The following SLC16A10 variants were observed in gnomAD, a reference collection of about 807,000 sequenced individuals.
The protein encoded by SLC16A10 is monocarboxylate transporter 10.
SLC16A10 carries 27 observed loss-of-function variants against 40.0 expected under a neutral mutation model. The ratio of observed to expected loss-of-function variants is 0.67; its 90% CI spans 0.50 to 0.93. The LOEUF is 0.93. Ranked by LOEUF, SLC16A10 falls within the 40% of genes least tolerant of loss-of-function variation. SLC16A10 has a pLI of 0.00. For synonymous variants in SLC16A10, 213 were observed against 249.8 expected, an observed-to-expected ratio of 0.85 and a Z score of 1.39; for missense variants, 529 against 658.2, an observed-to-expected ratio of 0.80 and a Z score of 2.15.
intron 1 of SLC16A10, among the ~76,000 whole-genome samples, chr6:111,141,175 CA>C (rs1350671432): frequency 6.6e-6 from 1 of 151,994 alleles, no homozygotes; most frequent in African/African-American, 2.4e-5. Flanking sequence ...TAAAGTAAAT[CA>C]AAGACATATA....
chr6:111,225,692 T>G lies in SLC16A10; in HGVS notation c.*3457T>G, dbSNP rs1770984689. 1.3e-5 allele frequency: 2 copies of G among 152,204 alleles called. No individual in the cohort carries two copies. The highest frequency in any genetic ancestry group is 4.8e-5 in the African/African-American group (2 of 41,448). The allele number at this position is 152,204 out of a possible 1,614,324, so 9.4% of individuals were successfully genotyped here. A position where few individuals can be genotyped will look rare whatever the true frequency, so the allele number is the denominator to read the frequency against. On this transcript the variant is annotated 3_prime_UTR_variant, in exon 6 of 6. Coordinates refer to ENST00000368851, the MANE Select transcript of SLC16A10 (RefSeq NM_018593.5). Reference sequence around the variant, plus strand: ...GAAATTGGCCTATGTCCAGATGACTTTTGATGTTAAATCAATGGAAAACTG... The same window carrying G: ...GAAATTGGCCTATGTCCAGATGACTGTTGATGTTAAATCAATGGAAAACTG...
chr6:111,179,500 C>T (rs1217766036), intron 3 of SLC16A10, among the ~76,000 whole-genome samples: 2 of 152,184 alleles, frequency 1.3e-5, no homozygotes, highest in Non-Finnish European at 2.9e-5. Flanking sequence ...CATATTGGGC[C>T]ACTTCCCTGG....
chr6:111,148,967 T>C (rs1396321895), intron 1 of SLC16A10, among the ~76,000 whole-genome samples: 1 of 152,152 alleles, frequency 6.6e-6, no homozygotes, highest in African/African-American at 2.4e-5. Context: ...GGCCTGATAT[T>C]GATCGTCCAT....
chr6:111,202,715 C>T (rs369223847), intron 3 of SLC16A10, among the ~76,000 whole-genome samples: 4 of 151,606 alleles, frequency 2.6e-5, no homozygotes, highest in Middle Eastern at 3.2e-3. Flanking sequence ...GGTGAAACCC[C>T]GTCTCTACTA....
intron 1 of SLC16A10, among the ~76,000 whole-genome samples, chr6:111,117,410 C>A (rs2114469647): frequency 6.9e-6 from 1 of 144,388 alleles, no homozygotes; most frequent in Non-Finnish European, 1.5e-5. Flanking sequence ...CACGTTTATT[C>A]TTTTGTACCA....
At chr6:111,172,355 ATTTC>A (rs1244926105) in intron 1 of SLC16A10, among the ~76,000 whole-genome samples, 3 of 152,030 alleles carry the variant, frequency 2.0e-5, no homozygotes, top group Non-Finnish European at 4.4e-5. Context: ...TGTATTTAAT[ATTTC>A]TTTCCTGTTG....
intron 5 of SLC16A10, among the ~76,000 whole-genome samples, chr6:111,219,923 T>TA (rs930662927): frequency 7.3e-5 from 11 of 151,594 alleles, no homozygotes; most frequent in Non-Finnish European, 8.8e-5. Context: ...CTACTAAAAA[T>TA]AAAAAAAATT....
At chr6:111,162,309 C>T (rs1772385140) in intron 1 of SLC16A10, among the ~76,000 whole-genome samples, 1 of 152,150 alleles carries the variant, frequency 6.6e-6, no homozygotes, top group Admixed American at 6.5e-5. Context: ...AAAGCTGAGC[C>T]CAGCCATGGG....
At chr6:111,174,667 C>G (rs1011156183) in intron 2 of SLC16A10, among the ~76,000 whole-genome samples, 4 of 152,068 alleles carry the variant, frequency 2.6e-5, no homozygotes, top group Non-Finnish European at 5.9e-5. Context: ...AATACCTCAT[C>G]AGATAGCTTC....
At chr6:111,190,520 A>G (rs1446104900) in intron 3 of SLC16A10, among the ~76,000 whole-genome samples, 1 of 152,232 alleles carries the variant, frequency 6.6e-6, no homozygotes, top group Non-Finnish European at 1.5e-5. Context: ...CTGCCTTAGC[A>G]GAGGTTCTTC....
intron 5 of SLC16A10, among the ~76,000 whole-genome samples, chr6:111,220,738 A>T (rs1276712317): frequency 2.6e-5 from 4 of 152,262 alleles, no homozygotes; most frequent in African/African-American, 9.6e-5. Flanking sequence ...CAGATTTTAT[A>T]TAAGCAGCAC....
intron 3 of SLC16A10, among the ~76,000 whole-genome samples, chr6:111,180,817 A>T (rs1583347902): frequency 6.6e-6 from 1 of 152,306 alleles, no homozygotes; most frequent in East Asian, 1.9e-4. Context: ...TAAAAAACAG[A>T]TAATAAATAA....
intron 1 of SLC16A10, among the ~76,000 whole-genome samples, chr6:111,133,782 A>G (rs971948311): frequency 1.3e-5 from 2 of 152,120 alleles, no homozygotes; most frequent in African/African-American, 4.8e-5. Flanking sequence ...GACATAGACA[A>G]AGGAGTAAAC....
At chr6:111,169,095 G>A (rs1035798109) in intron 1 of SLC16A10, among the ~76,000 whole-genome samples, 1 of 152,166 alleles carries the variant, frequency 6.6e-6, no homozygotes, top group Non-Finnish European at 1.5e-5. Context: ...AGAGAACTGT[G>A]GCTGGCTTAC....
At chr6:111,170,782 T>G (rs192316069) in intron 1 of SLC16A10, among the ~76,000 whole-genome samples, 120 of 152,340 alleles carry the variant, frequency 7.9e-4, no homozygotes, top group African/African-American at 2.8e-3. Context: ...TGTCTGAACT[T>G]TTTTGAATGA....
intron 1 of SLC16A10, among the ~76,000 whole-genome samples, chr6:111,125,333 CAAT>C (rs1771655991): frequency 6.6e-6 from 1 of 152,088 alleles, no homozygotes; most frequent in African/African-American, 2.4e-5. Flanking sequence ...TTTGTAGAAA[CAAT>C]AATATGTTTT....
At chr6:111,180,668 G>A (rs1562424332) in intron 3 of SLC16A10, among the ~76,000 whole-genome samples, 1 of 152,182 alleles carries the variant, frequency 6.6e-6, no homozygotes, top group Admixed American at 6.5e-5. Flanking sequence ...AGAGCCAGAT[G>A]TGGTGGTACA....
intron 4 of SLC16A10, among the ~76,000 whole-genome samples, chr6:111,211,927 A>G (rs354546): frequency 0.78 from 118,677 of 152,068 alleles, 47,241 homozygotes; most frequent in Non-Finnish European, 0.87. Flanking sequence ...CCTTCTTTCC[A>G]TTCATTGGTG....
intron 2 of SLC16A10, 142 bp from the exon 3 acceptor site, chr6:111,177,069 TA>T (rs1349114015): frequency 7.9e-6 from 4 of 506,354 alleles, no homozygotes; most frequent in Non-Finnish European, 1.3e-5. Context: ...CTATTTTGGT[TA>T]ATTTTTTTTT....
Sources: gnomAD v4.1 joint callset for allele counts (sites outside exome capture counted in the v4.1 genomes callset) on GRCh38, gnomAD v4.1.1 for gene constraint, MANE v1.5 for transcripts, NCBI Gene and HGNC (gene_info 2026-07-23, HGNC 2026-07-21) for gene names.